Variants in ARHGAP4 observed in about 807,000 individuals in gnomAD.
ARHGAP4 encodes the protein rho GTPase-activating protein 4.
Under a neutral mutation model 67.6 loss-of-function variants are expected in ARHGAP4, and 25 were observed. The ratio of observed to expected loss-of-function variants is 0.37; its 90% CI spans 0.27 to 0.52. The LOEUF is 0.52. Ranked by LOEUF, ARHGAP4 falls within the 20% of genes least tolerant of loss-of-function variation. The pLI is 0.92. For missense variants in ARHGAP4, 804 were observed against 854.6 expected (o/e 0.94, Z 0.74); for synonymous variants, 448 against 373.7 (o/e 1.20, Z -2.29).
intron 5 of ARHGAP4, chrX:153,919,760 G>A (rs2065080019): frequency 1.0e-6 from 1 of 997,875 alleles, no homozygotes; most frequent in Admixed American, 4.4e-5. Flanking sequence ...GCTGGCACCT[G>A]GGTTCTAAAA....
chrX:153,908,769 A>T (rs1457604261), intron 21 of ARHGAP4, among the ~76,000 whole-genome samples: 3 of 112,003 alleles, frequency 2.7e-5, no homozygotes, highest in African/African-American at 9.7e-5. Flanking sequence ...GCCTTAACTC[A>T]GCCCTGCCAC....
At position 153,910,731 on chromosome X, in the gene ARHGAP4, T is replaced by TG. The variant is rs1557102960; in HGVS notation, c.1784dup (p.Asp596ArgfsTer53). 2 of 1,194,451 alleles carry TG rather than the reference T, an allele frequency of 1.7e-6. No homozygotes were observed. The highest frequency in any genetic ancestry group is 3.0e-5 in the East Asian group (1 of 33,043). ...AAGCCAGCAGCTCGCCGAACAGGTC[T>TG]GGGGGGAAGAGTGGGGGCTCCAGGC... On this transcript the variant is annotated frameshift_variant, in exon 15 of 22. Transcript: ENST00000350060. LOFTEE classifies it high-confidence loss of function.
At chrX:153,920,861 GC>G in intron 4 of ARHGAP4, 53 bp from the exon 5 acceptor site, 1 of 1,182,137 alleles carries the variant, frequency 8.5e-7, no homozygotes, top group Non-Finnish European at 1.1e-6. Flanking sequence ...GGCTGGGCCA[GC>G]CCCCAGCCCT....
At chrX:153,909,579 C>A in intron 19 of ARHGAP4, 44 bp from the exon 20 acceptor site, 1 of 1,094,446 alleles carries the variant, frequency 9.1e-7, no homozygotes, top group Non-Finnish European at 1.2e-6. Context: ...TCCTTCCCTG[C>A]ACGGGGTCCA....
Position 153,926,136 on chromosome X carries a change from C to T in ARHGAP4, c.67G>A (p.Glu23Lys). 1.7e-6 allele frequency: 2 copies of T among 1,204,834 alleles called. No individual in the cohort carries two copies. Among genetic ancestry groups the T allele is most frequent in the Non-Finnish European group, 2.2e-6 (2 of 892,029 alleles). Reference protein sequence around the residue: ...LQAEYETQVKEMRWQLSEQLR... With the variant: ...LQAEYETQVKKMRWQLSEQLR... ...CCGGGAGCGCCCGGCGCCCTCTCAC[C>T]TTTGACTTGCGTCTCATACTCAGCC... Residue 23 changes from glutamate to lysine, a missense_variant and splice_region_variant, in exon 1 of 22, where the codon GAG (glutamate) becomes AAG (lysine). Physicochemically the swap from Glu to Lys is moderately conservative, Grantham distance 56. Transcript: ENST00000350060.
Position 153,913,891 on chromosome X carries a change from G to A in ARHGAP4, c.1033-12C>T, listed in dbSNP as rs1369144753. The A allele has an allele frequency of 9.2e-6, 11 of 1,199,525 alleles. No individual in the cohort carries two copies. Among genetic ancestry groups the A allele is most frequent in the South Asian group, 3.6e-5 (2 of 56,216 alleles). On this transcript the variant is annotated splice_polypyrimidine_tract_variant and intron_variant, in intron 7 of 21. Coordinates refer to ENST00000350060, the MANE Select transcript of ARHGAP4 (RefSeq NM_001666.5). ...CAGATCTCAGCCACCTGCAGAGGGC[G>A]GCGGCCAGGGGGCTAAGGGCTGGGC... is the stretch of plus-strand genomic sequence containing the variant.
intron 1 of ARHGAP4, among the ~76,000 whole-genome samples, chrX:153,923,142 T>C (rs2065106596): frequency 9.1e-6 from 1 of 110,490 alleles, no homozygotes; most frequent in African/African-American, 3.3e-5. Flanking sequence ...GCCACAGTAG[T>C]GGGGTGATGT....
chrX:153,911,450 A>G (rs1463826698), intron 12 of ARHGAP4, among the ~76,000 whole-genome samples: 1 of 110,523 alleles, frequency 9.0e-6, no homozygotes, highest in Non-Finnish European at 1.9e-5. Flanking sequence ...TGAAGAACAC[A>G]TCATCGTTGT....
intron 1 of ARHGAP4, 119 bp downstream of exon 1, chrX:153,926,017 G>A: frequency 9.8e-7 from 1 of 1,020,129 alleles, no homozygotes; most frequent in Admixed American, 3.0e-5. Context: ...CTCCACCCCC[G>A]CTCCAGAGGT....
intron 7 of ARHGAP4, 165 bp from the exon 8 acceptor site, chrX:153,914,044 C>G (rs2065039365): frequency 2.2e-6 from 1 of 459,458 alleles, no homozygotes; most frequent in African/African-American, 2.4e-5. Flanking sequence ...ACACACGTGT[C>G]CAAACCAAGA....
At position 153,907,915 on chromosome X, in the gene ARHGAP4, C is replaced by T; in HGVS notation, c.2655G>A (p.Lys885=). Residue 885 remains lysine (K), a synonymous_variant, in exon 22 of 22, where the codon AAG becomes AAA. Coordinates refer to ENST00000350060, the MANE Select transcript of ARHGAP4 (RefSeq NM_001666.5). ...GCCCAAGGCCCTGGCGGACAGAGGT[C>T]TTTCCCAAGAGCTCCTTAAACACAG... ...MDSVFKELLG[K]TSVRQGLGPA... 1 of 1,072,067 alleles carries T rather than the reference C, an allele frequency of 9.3e-7. No individual in the cohort carries two copies. The highest frequency in any genetic ancestry group is 2.8e-5 in the South Asian group (1 of 36,116). The allele number at this position is 1,072,067 out of a possible 1,213,427, so 88.4% of individuals were successfully genotyped here. A position where few individuals can be genotyped will look rare whatever the true frequency, so the allele number is the denominator to read the frequency against.
At position 153,910,825 on chromosome X, in the gene ARHGAP4, G is replaced by A; in HGVS notation, c.1691C>T (p.Pro564Leu). Residue 564 changes from proline to leucine, a missense_variant, in exon 15 of 22, where the codon CCA becomes CTA. Transcript: ENST00000350060. ...IRDAFERGED[P>L]LVEGCTAHDL... Reference sequence around the variant, plus strand: ...ATGGGCAGTGCAGCCCTCCACCAGTGGGTCCTCCCCTGCAGATGGGCGAGT... The same window carrying A: ...ATGGGCAGTGCAGCCCTCCACCAGTAGGTCCTCCCCTGCAGATGGGCGAGT... The A allele has an allele frequency of 8.4e-7, 1 of 1,190,634 alleles. No individual in the cohort carries two copies. The highest frequency in any genetic ancestry group is 1.1e-6 in the Non-Finnish European group (1 of 883,841).
chrX:153,911,895 G>A (rs1157116979), intron 12 of ARHGAP4, among the ~76,000 whole-genome samples: 1 of 101,824 alleles, frequency 9.8e-6, no homozygotes, highest in Non-Finnish European at 2.0e-5. Flanking sequence ...GGGCAACAGT[G>A]CAAGAACCAG....
chrX:153,917,753 AAACAAAACAC>A (rs1569545976), intron 7 of ARHGAP4, among the ~76,000 whole-genome samples: 1 of 112,450 alleles, frequency 8.9e-6, no homozygotes, highest in Non-Finnish European at 1.9e-5. Context: ...CCTGTTTCAA[AAACAAAACAC>A]AACAAAACAA....
chrX:153,913,444 C>T lies in ARHGAP4; in HGVS notation c.1291G>A (p.Gly431Ser), dbSNP rs376277711. 232 of 1,209,929 alleles carry T rather than the reference C, an allele frequency of 1.9e-4. No homozygotes were observed. The South Asian group carries it at 3.0e-3, about 16-fold the overall frequency. Residue 431 changes from glycine to serine, a missense_variant, in exon 9 of 22, where the codon GGC becomes AGC. Transcript: ENST00000350060. ...AAGGTTTCGGTCTCCTGCTGCTGGC[C>T]GCGCCTCCGGCCCGCCTGCCGGCTG... ...PGSRQAGRRR[G>S]QQQETETFYL... is the part of the protein sequence containing the mutation.
At position 153,921,082 on chromosome X, in the gene ARHGAP4, C is replaced by G; in HGVS notation, c.498+15G>C. ...TGGACCATTGGGGCAGGCCCCTCCCCAGCCCTTTCCTCACCGTCTGGAGCT... is the reference window on the plus strand; with the variant it reads ...TGGACCATTGGGGCAGGCCCCTCCCGAGCCCTTTCCTCACCGTCTGGAGCT... On this transcript the variant is annotated intron_variant, in intron 4 of 21. Coordinates refer to ENST00000350060, the MANE Select transcript of ARHGAP4 (RefSeq NM_001666.5). 8.3e-7 allele frequency: 1 copy of G among 1,200,001 alleles called. No individual in the cohort carries two copies. Among genetic ancestry groups the G allele is most frequent in the African/African-American group, 1.7e-5 (1 of 57,713 alleles).
At chrX:153,922,907 C>A (rs1350121136) in intron 1 of ARHGAP4, among the ~76,000 whole-genome samples, 1 of 107,278 alleles carries the variant, frequency 9.3e-6, no homozygotes, top group Non-Finnish European at 1.9e-5. Flanking sequence ...GTGATGGGTG[C>A]GGAGAAGATG....
intron 6 of ARHGAP4, 47 bp from the exon 7 acceptor site, chrX:153,919,100 C>T (rs1470022900): frequency 8.3e-7 from 1 of 1,210,297 alleles, no homozygotes; most frequent in African/African-American, 1.7e-5. Context: ...GGAGCCACAG[C>T]TTCCCAGCCC....
rs1417711316 is a variant in ARHGAP4, at chrX:153,918,898, G to T, written c.966C>A (p.Leu322=). 1 of 1,210,755 alleles carries T rather than the reference G, an allele frequency of 8.3e-7. No individual in the cohort carries two copies. Among genetic ancestry groups the T allele is most frequent in the Non-Finnish European group, 1.1e-6 (1 of 895,303 alleles). The change falls in exon 7 of 22, where the codon CTC becomes CTA. Residue 322 remains leucine (L), a synonymous_variant. Transcript: ENST00000350060. Reference sequence around the variant, plus strand: ...GACAGAAGACGGTAGCATGCACCTCGAGAACCTTGGCTTTGTCCCCTGGAG... The same window carrying T: ...GACAGAAGACGGTAGCATGCACCTCTAGAACCTTGGCTTTGTCCCCTGGAG... ...LDPPGDKAKV[L]EVHATVFCPP... is the part of the protein sequence containing the mutation.
Sources: gnomAD v4.1 joint callset for allele counts (sites outside exome capture counted in the v4.1 genomes callset) on GRCh38, gnomAD v4.1.1 for gene constraint, MANE v1.5 for transcripts, NCBI Gene and HGNC (gene_info 2026-07-23, HGNC 2026-07-21) for gene names.